ERAP1: variants seen among roughly 807,000 people sequenced by gnomAD.
The protein encoded by ERAP1 is adipocyte-derived leucine aminopeptidase.
ERAP1 carries 86 observed loss-of-function variants against 103.7 expected under a neutral mutation model. That is an observed-to-expected ratio of 0.83 (90% CI 0.70 to 0.99). ERAP1 has a LOEUF of 0.99. Among genes scored for constraint, ERAP1 ranks in the 50% least tolerant of loss-of-function variants. The pLI is 0.00. For missense variants in ERAP1, 1,009 were observed against 1,128.4 expected, an observed-to-expected ratio of 0.89 and a Z score of 1.52; for synonymous variants, 398 against 402.4, an observed-to-expected ratio of 0.99 and a Z score of 0.13.
chr5:96,829,515 G>A, the ERAP1 span, among the ~76,000 whole-genome samples: 1 of 152,174 alleles, frequency 6.6e-6, no homozygotes, highest in Non-Finnish European at 1.5e-5. Context: ...TTTGATCCAT[G>A]CTAATCCAAC....
At chr5:96,897,866 A>G in the ERAP1 span, among the ~76,000 whole-genome samples, 1 of 152,214 alleles carries the variant, frequency 6.6e-6, no homozygotes, top group Admixed American at 6.5e-5. Context: ...GACAGTAATA[A>G]TATTGTTTAA....
chr5:96,814,515 G>T, the ERAP1 span, among the ~76,000 whole-genome samples: 1 of 152,176 alleles, frequency 6.6e-6, no homozygotes, highest in South Asian at 2.1e-4. Context: ...TAATTGGGAA[G>T]AAATTACAGA....
chr5:96,876,767 G>A, the ERAP1 span, among the ~76,000 whole-genome samples: 2 of 152,014 alleles, frequency 1.3e-5, no homozygotes, highest in African/African-American at 2.4e-5. Context: ...TTTTCTAAGC[G>A]TTTGTGACAA....
chr5:96,895,187 C>T, the ERAP1 span: 4 of 974,558 alleles, frequency 4.1e-6, no homozygotes, highest in East Asian at 2.8e-5. Context: ...GTATTTTTTG[C>T]TAAAGTTAAT....
chr5:96,917,474 T>C, the ERAP1 span: 12 of 1,610,412 alleles, frequency 7.5e-6, no homozygotes, highest in African/African-American at 1.2e-4. Context: ...GAAACTATTT[T>C]TTGAATCTCT....
chr5:96,799,215 T>G (rs1318206486), intron 3 of ERAP1, among the ~76,000 whole-genome samples: 1 of 107,096 alleles, frequency 9.3e-6, no homozygotes, highest in African/African-American at 3.0e-5. Context: ...ATAACCTGAT[T>G]AAATTAATTC....
At chr5:96,897,759 C>A in the ERAP1 span, among the ~76,000 whole-genome samples, 1 of 151,856 alleles carries the variant, frequency 6.6e-6, no homozygotes, top group Non-Finnish European at 1.5e-5. Flanking sequence ...TTTATAGAAC[C>A]ATTAGACCCA....
the ERAP1 span, among the ~76,000 whole-genome samples, chr5:96,864,607 T>C: frequency 6.6e-6 from 1 of 152,166 alleles, no homozygotes; most frequent in Non-Finnish European, 1.5e-5. Context: ...TTCCAAAAAA[T>C]AAATTTATAA....
the ERAP1 span, among the ~76,000 whole-genome samples, chr5:96,865,797 G>A: frequency 5.2e-4 from 79 of 152,206 alleles, no homozygotes; most frequent in South Asian, 0.016. Flanking sequence ...AAGGGTTTTG[G>A]AATGGATGAA....
At chr5:96,827,481 G>A in the ERAP1 span, among the ~76,000 whole-genome samples, 2 of 152,122 alleles carry the variant, frequency 1.3e-5, no homozygotes, top group African/African-American at 4.8e-5. Context: ...GGGCAACAAG[G>A]TGAAACCCCA....
the ERAP1 span, chr5:96,896,863 T>C: frequency 6.3e-7 from 1 of 1,578,610 alleles, no homozygotes; most frequent in Non-Finnish European, 8.6e-7. Context: ...GTCTGTCAAA[T>C]GTAAGTCATA....
the ERAP1 span, among the ~76,000 whole-genome samples, chr5:96,836,994 C>T: frequency 6.6e-6 from 1 of 151,908 alleles, no homozygotes; most frequent in Non-Finnish European, 1.5e-5. Context: ...ATTTCTGTTT[C>T]AAAAAATTAT....
rs1309959202 is a variant in ERAP1, at chr5:96,792,065, T to C, written c.1316A>G (p.Asp439Gly). The change falls in exon 8 of 19, where the codon GAT (aspartate) becomes GGT (glycine). Residue 439 changes from aspartate to glycine, a missense_variant. Physicochemically the swap from Asp to Gly is moderately conservative, Grantham distance 94. Transcript: ENST00000443439. ...TTATACTCAATCTACTTTTACCTTA[T>C]CATAAGAAACATCATCAAACATCTC... ...IREMFDDVSYDKGACILNMLR... is the reference protein window; with the variant it reads ...IREMFDDVSYGKGACILNMLR... 6.2e-7 allele frequency: 1 copy of C among 1,614,004 alleles called. No homozygotes were observed. The highest frequency in any genetic ancestry group is 8.5e-7 in the Non-Finnish European group (1 of 1,179,856).
intron 2 of ERAP1, among the ~76,000 whole-genome samples, chr5:96,802,895 C>T (rs1305267202): frequency 5.3e-5 from 8 of 151,932 alleles, no homozygotes; most frequent in Admixed American, 1.3e-4. Flanking sequence ...ACTAGAATGA[C>T]GCAGGTGCTA....
chr5:96,909,553 CTG>C, the ERAP1 span: 1 of 1,590,628 alleles, frequency 6.3e-7, no homozygotes. Flanking sequence ...TTTAGCCTCT[CTG>C]TTAACCATCT....
At chr5:96,843,088 C>A in the ERAP1 span, among the ~76,000 whole-genome samples, 1 of 152,094 alleles carries the variant, frequency 6.6e-6, no homozygotes, top group South Asian at 2.1e-4. Context: ...AAGAATTGGA[C>A]AAAACACACA....
chr5:96,902,458 A>AC, the ERAP1 span: 1 of 672,376 alleles, frequency 1.5e-6, no homozygotes, highest in Non-Finnish European at 2.5e-6. Context: ...TAAAAGATTT[A>AC]TATTTGAGGG....
chr5:96,771,394 AC>A (rs768137896), downstream of ERAP1, among the ~76,000 whole-genome samples: 3 of 151,984 alleles, frequency 2.0e-5, no homozygotes, highest in African/African-American at 4.8e-5. Context: ...TTTATAACCT[AC>A]CCTAGCCTTA....
chr5:96,863,775 G>C, the ERAP1 span, among the ~76,000 whole-genome samples: 3 of 151,824 alleles, frequency 2.0e-5, no homozygotes, highest in Non-Finnish European at 2.9e-5. Flanking sequence ...ATATGTTCAG[G>C]ATCCAGTCAC....
Sources: gnomAD v4.1 joint callset for allele counts (sites outside exome capture counted in the v4.1 genomes callset) on GRCh38, gnomAD v4.1.1 for gene constraint, MANE v1.5 for transcripts, NCBI Gene and HGNC (gene_info 2026-07-23, HGNC 2026-07-21) for gene names.